GRIP1: variants seen among roughly 807,000 people sequenced by gnomAD.
GRIP1 encodes glutamate receptor interacting protein 1, also known as glutamate receptor-interacting protein 1.
GRIP1 carries 45 observed loss-of-function variants against 129.9 expected under a neutral mutation model. The observed-to-expected ratio is 0.35, with a 90% CI of 0.27 to 0.44. The LOEUF (loss-of-function observed/expected upper bound fraction) is 0.44, where lower values mean the gene tolerates loss of function less well. Ranked by LOEUF, GRIP1 falls within the 20% of genes least tolerant of loss-of-function variation. The pLI is 1.00. For missense variants in GRIP1, 1,196 were observed against 1,396.8 expected (o/e 0.86, Z 2.29); for synonymous variants, 530 against 520.8 (o/e 1.02, Z -0.24).
chr12:66,985,491 G>T (rs2042298756), intron 1 of GRIP1, among the ~76,000 whole-genome samples: 1 of 152,064 alleles, frequency 6.6e-6, no homozygotes, highest in Middle Eastern at 3.2e-3. Flanking sequence ...AATTTTTACT[G>T]TTTAAATTTC....
At chr12:66,512,869 G>C (rs1333320384) in intron 7 of GRIP1, among the ~76,000 whole-genome samples, 2 of 151,998 alleles carry the variant, frequency 1.3e-5, no homozygotes, top group Admixed American at 1.3e-4. Flanking sequence ...AACTTTTCTG[G>C]AAGACAATTG....
chr12:66,650,294 TG>T (rs1440794133), intron 1 of GRIP1, among the ~76,000 whole-genome samples: 25 of 152,242 alleles, frequency 1.6e-4, no homozygotes, highest in Admixed American at 9.8e-4. Context: ...TCAGGCTGCT[TG>T]GGGGAGACAA....
chr12:66,577,521 G>C (rs974845009), intron 2 of GRIP1, among the ~76,000 whole-genome samples: 79 of 152,272 alleles, frequency 5.2e-4, no homozygotes, highest in African/African-American at 1.9e-3. Flanking sequence ...TTTCATCATT[G>C]TGTAAGGGTT....
chr12:66,434,004 AAGAG>A (rs2058226795), intron 13 of GRIP1, among the ~76,000 whole-genome samples: 1 of 152,164 alleles, frequency 6.6e-6, no homozygotes, highest in Non-Finnish European at 1.5e-5. Context: ...GATTCATGGA[AAGAG>A]AGAGAGGACT....
In GRIP1 at chr12:66,377,347, A is replaced by C; in HGVS notation, c.2622-62T>G. ...CCAGACATTTTTTTTTTTTTTTTTGAGACGGAGTCTCTCTCTGTCGCCCAG... is the reference window on the plus strand; with the variant it reads ...CCAGACATTTTTTTTTTTTTTTTTGCGACGGAGTCTCTCTCTGTCGCCCAG... On this transcript the variant is annotated intron_variant, in intron 20 of 24. Coordinates refer to ENST00000359742, the MANE Select transcript of GRIP1 (RefSeq NM_001366722.1). The C allele has an allele frequency of 1.3e-5, 13 of 983,520 alleles. 1 individual carries two copies. The highest frequency in any genetic ancestry group is 2.1e-5 in the Non-Finnish European group (13 of 617,032). The allele number at this position is 983,520 out of a possible 1,614,324, so 60.9% of individuals were successfully genotyped here.
intron 22 of GRIP1, among the ~76,000 whole-genome samples, 186 bp downstream of exon 22, chr12:66,376,831 G>A (rs868790861): frequency 1.2e-4 from 19 of 152,182 alleles, no homozygotes; most frequent in Admixed American, 1.2e-3. Flanking sequence ...TTAGCGATTT[G>A]GTAGGAAACA....
At chr12:66,553,320 TCCTCATTTCCTC>T (rs1484978847) in intron 2 of GRIP1, among the ~76,000 whole-genome samples, 2 of 152,032 alleles carry the variant, frequency 1.3e-5, no homozygotes, top group Non-Finnish European at 2.9e-5. Flanking sequence ...CTCCCTCTCT[TCCTCATTTCCTC>T]CCTCCTTCCC....
intron 2 of GRIP1, among the ~76,000 whole-genome samples, chr12:66,591,793 C>G (rs1289514257): frequency 6.6e-6 from 1 of 151,854 alleles, no homozygotes; most frequent in Non-Finnish European, 1.5e-5. Flanking sequence ...CCATCCCCAG[C>G]TGATTTTTGC....
chr12:66,578,065 T>C (rs2063203550), intron 2 of GRIP1, among the ~76,000 whole-genome samples: 1 of 152,150 alleles, frequency 6.6e-6, no homozygotes, highest in Non-Finnish European at 1.5e-5. Flanking sequence ...CAGAGCAACT[T>C]GAAACAGGAT....
intron 7 of GRIP1, among the ~76,000 whole-genome samples, chr12:66,511,573 T>C (rs1057325100): frequency 3.3e-5 from 5 of 152,150 alleles, no homozygotes; most frequent in African/African-American, 1.2e-4. Flanking sequence ...AGTTGTAGAG[T>C]GCACTATATC....
intron 1 of GRIP1, among the ~76,000 whole-genome samples, chr12:66,793,058 G>A (rs1372633004): frequency 6.6e-6 from 1 of 152,058 alleles, no homozygotes; most frequent in Admixed American, 6.6e-5. Flanking sequence ...AATAAAACTA[G>A]TTCCTATATA....
chr12:66,456,224 G>C lies in GRIP1; in HGVS notation c.1161C>G (p.Ala387=), dbSNP rs1267708018. 7.8e-7 allele frequency: 1 copy of C among 1,289,604 alleles called. No individual in the cohort carries two copies. Among genetic ancestry groups the C allele is most frequent in the Non-Finnish European group, 1.0e-6 (1 of 988,414 alleles). 79.9% of individuals were successfully genotyped at this position (1,289,604 alleles called of 1,614,324 possible). ...TYHPDHCRVP[A]LTFPKAPPPN... ...GAGGAGGTGCTTTCGGGAATGTCAG[G>C]GCTGGTACTCTGCAATGGTCAGGGT... is the stretch of plus-strand genomic sequence containing the variant. Residue 387 remains alanine, a synonymous_variant, in exon 10 of 25, where the codon GCC becomes GCG. Transcript: ENST00000359742.
chr12:66,364,265 C>CAA (rs1159887365), intron 23 of GRIP1, among the ~76,000 whole-genome samples: 205 of 16,132 alleles, frequency 0.013, 7 homozygotes, highest in East Asian at 0.054. Flanking sequence ...GACTCCATCT[C>CAA]AAAAAAAAAA....
At position 66,966,512 on chromosome 12, in the gene GRIP1, C is replaced by A. The variant is rs546487164; in HGVS notation, c.58+102538G>T. The stretch of plus-strand genomic sequence containing the variant: ...TAAAGTCCATACTTTATTCAATTGT[C>A]TTCATTTTACCTAATATTATTTTCT... On this transcript the variant is annotated intron_variant, in intron 1 of 1. Transcript: ENST00000643019. Among the ~76,000 whole-genome samples the A allele has an allele frequency of 3.0e-4, 46 of 152,192 alleles. No homozygotes were observed. The East Asian group carries it at 7.7e-3, about 26-fold the overall frequency.
At chr12:66,544,804 A>T (rs1049416326) in intron 2 of GRIP1, among the ~76,000 whole-genome samples, 1 of 152,140 alleles carries the variant, frequency 6.6e-6, no homozygotes, top group Admixed American at 6.5e-5. Context: ...GGCTCACCTG[A>T]AGTCTCCACT....
At chr12:66,974,381 T>C (rs2042122113) in intron 1 of GRIP1, among the ~76,000 whole-genome samples, 1 of 152,206 alleles carries the variant, frequency 6.6e-6, no homozygotes, top group South Asian at 2.1e-4. Context: ...TTATTTATCT[T>C]ATTTGTTAAC....
At chr12:66,586,347 G>C (rs1428306142) in intron 2 of GRIP1, among the ~76,000 whole-genome samples, 1 of 151,890 alleles carries the variant, frequency 6.6e-6, no homozygotes, top group Admixed American at 6.6e-5. Flanking sequence ...TGGATTCCAG[G>C]GTACTACATT....
At chr12:66,771,487 C>T (rs950462399) in intron 1 of GRIP1, among the ~76,000 whole-genome samples, 1 of 152,040 alleles carries the variant, frequency 6.6e-6, no homozygotes, top group Non-Finnish European at 1.5e-5. Context: ...AAGTAATGCC[C>T]ATATGTTGTT....
intron 9 of GRIP1, 55 bp downstream of exon 9, chr12:66,462,869 G>A: frequency 7.2e-7 from 1 of 1,382,282 alleles, no homozygotes; most frequent in Non-Finnish European, 1.0e-6. Context: ...CTCTGCTAGA[G>A]GGAGCAACAC....
Sources: gnomAD v4.1 joint callset for allele counts (sites outside exome capture counted in the v4.1 genomes callset) on GRCh38, gnomAD v4.1.1 for gene constraint, MANE v1.5 for transcripts, NCBI Gene and HGNC (gene_info 2026-07-23, HGNC 2026-07-21) for gene names.